The following NVL variants were observed in gnomAD, a reference collection of about 807,000 sequenced individuals.
NVL encodes the protein nuclear VCP like.
A neutral mutation model predicts 110.2 loss-of-function variants in NVL; 84 were observed. The observed-to-expected ratio is 0.76, with a 90% confidence interval of 0.64 to 0.91. The LOEUF is 0.91. Ranked by LOEUF, NVL falls within the 40% of genes least tolerant of loss-of-function variation. The pLI is 0.00. For missense variants in NVL, 882 were observed against 1,035.9 expected (o/e 0.85, Z 2.04); for synonymous variants, 354 against 361.1 (o/e 0.98, Z 0.22).
chr1:224,292,427 G>A (rs779625717), intron 12 of NVL, among the ~76,000 whole-genome samples: 3 of 152,114 alleles, frequency 2.0e-5, no homozygotes, highest in Non-Finnish European at 2.9e-5. Context: ...ATAAACTAAA[G>A]CTTGGAAATG....
rs113816843 is a variant in NVL, at chr1:224,275,321, C to T, written c.2082+18G>A. On this transcript the variant is annotated intron_variant, in intron 17 of 22. Transcript: ENST00000281701. The stretch of plus-strand genomic sequence containing the variant: ...TTGTGCTAAAAGAATCTGAAAACCA[C>T]TAGTCCATGATACTTACCTCTCGGT... 2.0e-5 allele frequency: 33 copies of T among 1,613,880 alleles called. No individual in the cohort carries two copies. In the Middle Eastern group the frequency reaches 1.2e-3, roughly 56 times the overall value.
Position 224,330,107 on chromosome 1 carries a change from C to T in NVL, c.21G>A (p.Gly7=), listed in dbSNP as rs1201432143. The change falls in exon 1 of 23, where the codon GGG becomes GGA. Residue 7 remains glycine (G), a synonymous_variant. Transcript: ENST00000281701. ...GCTGCTTGAGTTTATTATCCACGAA[C>T]CCTGCAGGTCTGGGCTTCATCGCGT... MKPRPA[G]FVDNKLKQRV... 6.2e-7 allele frequency: 1 copy of T among 1,614,112 alleles called. No individual in the cohort carries two copies. Among genetic ancestry groups the T allele is most frequent in the Admixed American group, 1.7e-5 (1 of 60,018 alleles).
At position 224,289,734 on chromosome 1, in the gene NVL, C is replaced by T. The variant is rs771306166; in HGVS notation, c.1326-1G>A. Reference sequence around the variant, plus strand: ...TTTTCTGCACAATGTTTGAAGTATTCTGTAGAAAAGACAGGGGAAAAAATT... The same window carrying T: ...TTTTCTGCACAATGTTTGAAGTATTTTGTAGAAAAGACAGGGGAAAAAATT... On this transcript the variant is annotated splice_acceptor_variant, in intron 12 of 22. Coordinates refer to ENST00000281701, the MANE Select transcript of NVL (RefSeq NM_002533.4). LOFTEE classifies it high-confidence loss of function. 1 of 1,604,646 alleles carries T rather than the reference C, an allele frequency of 6.2e-7. No homozygotes were observed. The highest frequency in any genetic ancestry group is 8.5e-7 in the Non-Finnish European group (1 of 1,173,904).
At chr1:224,267,085 T>C (rs940678884) in intron 18 of NVL, among the ~76,000 whole-genome samples, 4 of 152,150 alleles carry the variant, frequency 2.6e-5, no homozygotes, top group Non-Finnish European at 5.9e-5. Flanking sequence ...TGGTGACGCA[T>C]AGTGGCCCCA....
At chr1:224,282,840 C>T (rs977141494) in intron 15 of NVL, among the ~76,000 whole-genome samples, 1 of 152,098 alleles carries the variant, frequency 6.6e-6, no homozygotes, top group Non-Finnish European at 1.5e-5. Flanking sequence ...TGTGCAGGTG[C>T]CAAGAAAAAT....
At chr1:224,228,924 C>CAAAAA (rs368485856) in intron 22 of NVL, among the ~76,000 whole-genome samples, 10 of 81,638 alleles carry the variant, frequency 1.2e-4, no homozygotes, top group African/African-American at 3.6e-4. Context: ...GACTCCGTCT[C>CAAAAA]AAAAAAAAAA....
chr1:224,270,691 T>C (rs1201503916), intron 17 of NVL, among the ~76,000 whole-genome samples: 1 of 151,944 alleles, frequency 6.6e-6, no homozygotes, highest in African/African-American at 2.4e-5. Context: ...AGAGTACCAA[T>C]TAATGTAAAA....
At chr1:224,246,271 C>T (rs1191484381) in intron 19 of NVL, among the ~76,000 whole-genome samples, 1 of 152,156 alleles carries the variant, frequency 6.6e-6, no homozygotes, top group Non-Finnish European at 1.5e-5. Flanking sequence ...CTCAAGTGAT[C>T]CACCTGCCTC....
At chr1:224,243,415 C>T (rs769891737) in intron 19 of NVL, among the ~76,000 whole-genome samples, 80 of 152,064 alleles carry the variant, frequency 5.3e-4, no homozygotes, top group Admixed American at 2.1e-3. Flanking sequence ...GAGCCAAGAC[C>T]GCACCACTGC....
intron 1 of NVL, 121 bp from the exon 2 acceptor site, chr1:224,326,585 T>C: frequency 3.4e-6 from 2 of 591,202 alleles, no homozygotes; most frequent in South Asian, 5.1e-5. Flanking sequence ...TAATAAAGTG[T>C]ACCAGAAACA....
At chr1:224,319,576 CTT>C (rs753520926) in intron 2 of NVL, among the ~76,000 whole-genome samples, 1 of 152,114 alleles carries the variant, frequency 6.6e-6, no homozygotes, top group Admixed American at 6.6e-5. Context: ...TCTTTGGACT[CTT>C]TTAACTTGTA....
intron 15 of NVL, among the ~76,000 whole-genome samples, chr1:224,285,517 G>A (rs1666775955): frequency 1.3e-5 from 2 of 152,122 alleles, no homozygotes; most frequent in African/African-American, 2.4e-5. Context: ...ACTTTGATAT[G>A]TATGCATAGA....
At chr1:224,281,784 C>T (rs1358706310) in intron 15 of NVL, among the ~76,000 whole-genome samples, 1 of 151,216 alleles carries the variant, frequency 6.6e-6, no homozygotes, top group East Asian at 2.0e-4. Flanking sequence ...GAAACCCCAT[C>T]TCTACTAAAA....
chr1:224,262,167 C>T (rs1032635982), intron 18 of NVL, among the ~76,000 whole-genome samples: 3 of 151,798 alleles, frequency 2.0e-5, no homozygotes, highest in Non-Finnish European at 4.4e-5. Context: ...GTTTAAGATC[C>T]AAGTGCTAAG....
chr1:224,260,583 A>G (rs1663855610), intron 18 of NVL, among the ~76,000 whole-genome samples: 1 of 152,142 alleles, frequency 6.6e-6, no homozygotes. Flanking sequence ...AAACGCTTAG[A>G]ATGGGCAGAG....
chr1:224,271,384 G>C (rs183348280), intron 17 of NVL, among the ~76,000 whole-genome samples: 22 of 152,140 alleles, frequency 1.4e-4, no homozygotes, highest in African/African-American at 5.1e-4. Flanking sequence ...AGCTACTCAG[G>C]CAGCTGAGGT....
chr1:224,304,949 T>A, intron 7 of NVL, 85 bp downstream of exon 7: 2 of 1,554,928 alleles, frequency 1.3e-6, no homozygotes, highest in Non-Finnish European at 1.8e-6. Context: ...ACATAGAAGG[T>A]CCCTCAAGCA....
intron 1 of NVL, 119 bp downstream of exon 1, chr1:224,329,952 C>T: frequency 1.0e-6 from 1 of 1,000,544 alleles, no homozygotes; most frequent in Non-Finnish European, 1.5e-6. Context: ...ACGCCCAGAC[C>T]CAGACTGGGG....
chr1:224,254,572 G>GTTTTT (rs71168400), intron 18 of NVL, among the ~76,000 whole-genome samples: 2 of 134,246 alleles, frequency 1.5e-5, no homozygotes, highest in East Asian at 4.2e-4. Context: ...TGTTTTTTTT[G>GTTTTT]TTTTTTTTTT....
Sources: gnomAD v4.1 joint callset for allele counts (sites outside exome capture counted in the v4.1 genomes callset) on GRCh38, gnomAD v4.1.1 for gene constraint, MANE v1.5 for transcripts, NCBI Gene and HGNC (gene_info 2026-07-23, HGNC 2026-07-21) for gene names.